GPC2: variants seen among roughly 807,000 people sequenced by gnomAD.
GPC2 encodes glypican-2.
In GPC2, 42 loss-of-function variants were observed where a neutral mutation model predicts 57.3. The observed-to-expected ratio is 0.73, with a 90% CI of 0.57 to 0.95. GPC2 has a LOEUF of 0.95. Ranked by LOEUF, GPC2 falls within the 40% of genes least tolerant of loss-of-function variation. GPC2 has a pLI of 0.00. For synonymous variants in GPC2, 364 were observed against 343.4 expected (o/e 1.06, Z -0.66); for missense variants, 745 against 793.6 (o/e 0.94, Z 0.74).
At position 100,171,871 on chromosome 7, in the gene GPC2, G is replaced by A. The variant is rs1394167525; in HGVS notation, c.1078C>T (p.Pro360Ser). The change falls in exon 7 of 10, where the codon CCG becomes TCG. Residue 360 changes from proline (P) to serine (S), a missense_variant. Around this residue, in one of 2 missense-constraint regions of GPC2, gnomAD observed 607 missense variants for 603.9 expected, o/e 1.01. Coordinates refer to ENST00000292377, the MANE Select transcript of GPC2 (RefSeq NM_152742.3). The surrounding 1 kb of genome is among the most constrained non-coding windows in gnomAD (Gnocchi z 4.8). ...CGGCCCGCCTCTTCCCGGGGCGGCGGGGCTCGACGGTTGCGGGCAGGCACC... is the reference window on the plus strand; with the variant it reads ...CGGCCCGCCTCTTCCCGGGGCGGCGAGGCTCGACGGTTGCGGGCAGGCACC... ...DPVPARNRRA[P>S]PPREEAGRLW... is the part of the protein sequence containing the mutation. 2 of 1,535,540 alleles carry A rather than the reference G, an allele frequency of 1.3e-6. No homozygotes were observed. The highest frequency in any genetic ancestry group is 2.0e-5 in the Admixed American group (1 of 49,482).
chr7:100,174,074 C>T, intron 4 of GPC2, 77 bp from the exon 5 acceptor site: 1 of 1,314,908 alleles, frequency 7.6e-7, no homozygotes, highest in Admixed American at 2.7e-5. Context: ...TGGGCACAGA[C>T]AGAAATCACA....
intron 1 of GPC2, among the ~76,000 whole-genome samples, chr7:100,176,584 G>A (rs1403351284): frequency 6.6e-6 from 1 of 152,124 alleles, no homozygotes; most frequent in African/African-American, 2.4e-5. Context: ...TTTAACAGCT[G>A]CCCTGAGGGC....
At chr7:100,176,637 T>C (rs1433226344) in intron 1 of GPC2, among the ~76,000 whole-genome samples, 1 of 152,078 alleles carries the variant, frequency 6.6e-6, no homozygotes, top group African/African-American at 2.4e-5. Context: ...CTCCCCAATG[T>C]CCACACCCCA....
chr7:100,175,720 C>G lies in GPC2; in HGVS notation c.500G>C (p.Trp167Ser). Residue 167 changes from tryptophan (W) to serine (S), a missense_variant, in exon 3 of 10, where the codon TGG becomes TCG. Physicochemically the swap from Trp to Ser is radical, Grantham distance 177. Around this residue, in one of 2 missense-constraint regions of GPC2, gnomAD observed 607 missense variants for 603.9 expected, o/e 1.01. Transcript: ENST00000292377. ...GAACACTCTCTCCAGGAGCTGTGCC[C>G]AGAAATCCGCCAGGGTGTCATCCAA... ...EGLDDTLADFWAQLLERVFPL... is the reference protein window; with the variant it reads ...EGLDDTLADFSAQLLERVFPL... 6.2e-7 allele frequency: 1 copy of G among 1,614,080 alleles called. No individual in the cohort carries two copies. Among genetic ancestry groups the G allele is most frequent in the South Asian group, 1.1e-5 (1 of 91,084 alleles).
At chr7:100,172,659 G>GTA (rs1236556611) in intron 5 of GPC2, among the ~76,000 whole-genome samples, 24 of 130,228 alleles carry the variant, frequency 1.8e-4, no homozygotes, top group East Asian at 1.5e-3. Flanking sequence ...ATGTGTGTGT[G>GTA]TATATATATA....
At chr7:100,175,424 G>A in intron 3 of GPC2, 148 bp downstream of exon 3, 2 of 655,768 alleles carry the variant, frequency 3.0e-6, no homozygotes, top group Non-Finnish European at 5.2e-6. Context: ...TCAGGATAGG[G>A]ATCACCAGGT....
At position 100,177,078 on chromosome 7, in the gene GPC2, G is replaced by A; in HGVS notation, c.122C>T (p.Ala41Val). 1.2e-6 allele frequency: 2 copies of A among 1,612,572 alleles called. No homozygotes were observed. The highest frequency in any genetic ancestry group is 1.7e-6 in the Non-Finnish European group (2 of 1,179,476). Residue 41 changes from alanine (A) to valine (V), a missense_variant, in exon 1 of 10, where the codon GCC becomes GTC. Physicochemically the swap from Ala to Val is moderately conservative, Grantham distance 64. Around this residue, in one of 2 missense-constraint regions of GPC2, gnomAD observed 138 missense variants for 189.8 expected, o/e 0.73. Transcript: ENST00000292377. ...SCAETRQVLG[A>V]RGYSLNLIPP... ...GATTAGGTTTAAGCTATATCCCCGG[G>A]CCCCCAGCACCTGCCGGGTCTCTGC...
rs762320234 is a variant in GPC2 at position 100,171,375 on chromosome 7, C to T, written c.1372G>A (p.Val458Met). ...AEQVNNPELK[V>M]DASGPDVPTR... ...GGGACATCGGGGCCCGAGGCGTCCA[C>T]CTTGAGCTCGGGGTTGTTGACCTGC... Residue 458 changes from valine (V) to methionine (M), a missense_variant, in exon 9 of 10, where the codon GTG becomes ATG. Val to Met is a conservative substitution (Grantham distance 21). Around this residue, in one of 2 missense-constraint regions of GPC2, gnomAD observed 607 missense variants for 603.9 expected, o/e 1.01. Transcript: ENST00000292377. This position sits in a 1 kb window ranked among gnomAD's most constrained non-coding sequence, Gnocchi z 4.8. 1.3e-6 allele frequency: 2 copies of T among 1,539,726 alleles called. No homozygotes were observed. The highest frequency in any genetic ancestry group is 2.4e-5 in the South Asian group (2 of 82,832).
At position 100,171,774 on chromosome 7, in the gene GPC2, C is replaced by G; in HGVS notation, c.1170+5G>C. The stretch of plus-strand genomic sequence containing the variant: ...CCGCCCCCAACTCTTGGTCATCCCA[C>G]GCACCAGCCGGTGCAGGTTGGTGCC... On this transcript the variant is annotated splice_donor_5th_base_variant and intron_variant, in intron 7 of 9. Transcript: ENST00000292377. This position sits in a 1 kb window ranked among gnomAD's most constrained non-coding sequence, Gnocchi z 4.8. 1 of 1,541,762 alleles carries G rather than the reference C, an allele frequency of 6.5e-7. No homozygotes were observed. Among genetic ancestry groups the G allele is most frequent in the Non-Finnish European group, 8.7e-7 (1 of 1,154,116 alleles).
At chr7:100,173,637 C>CTTCT in intron 5 of GPC2, 198 bp downstream of exon 5, 2 of 421,664 alleles carry the variant, frequency 4.7e-6, no homozygotes, top group Non-Finnish European at 8.4e-6. Context: ...TCCTTCTTTC[C>CTTCT]TTCTTTCTTT....
rs778136350 is a variant in GPC2, at chr7:100,171,290, A to AG, written c.1456dup (p.Leu486ProfsTer12). 2.6e-6 allele frequency: 4 copies of AG among 1,536,612 alleles called. No homozygotes were observed. The highest frequency in any genetic ancestry group is 3.5e-6 in the Non-Finnish European group (4 of 1,140,434). ...GTCCTGCCCGTCCAGGTCGTGTCCC[A>AG]GTGCGGCCGTTTTCATTCTGGCCGT... On this transcript the variant is annotated frameshift_variant, in exon 9 of 10. Transcript: ENST00000292377. LOFTEE classifies it high-confidence loss of function. This position sits in a 1 kb window ranked among gnomAD's most constrained non-coding sequence, Gnocchi z 4.8.
intron 4 of GPC2, 54 bp from the exon 5 acceptor site, chr7:100,174,051 C>T: frequency 6.9e-7 from 1 of 1,445,144 alleles, no homozygotes; most frequent in Non-Finnish European, 9.2e-7. Flanking sequence ...CTGCTCTCAG[C>T]CTGGCTTGGT....
Position 100,175,743 on chromosome 7 carries a change from C to T in GPC2, c.477G>A (p.Leu159=), listed in dbSNP as rs985632945. ...CCCAGAAATCCGCCAGGGTGTCATC[C>T]AACCCCTCACCAGATTCCCCATAGA... ...RDFYGESGEG[L]DDTLADFWAQ... is the part of the protein sequence containing the mutation. The change falls in exon 3 of 10, where the codon TTG becomes TTA. Residue 159 remains leucine (L), a synonymous_variant. Transcript: ENST00000292377. The T allele has an allele frequency of 3.1e-6, 5 of 1,613,976 alleles. No homozygotes were observed. Among genetic ancestry groups the T allele is most frequent in the Non-Finnish European group, 4.2e-6 (5 of 1,180,014 alleles).
Position 100,174,050 on chromosome 7 carries a change from G to T in GPC2, c.730-53C>A, listed in dbSNP as rs1447281032. 20 of 1,444,386 alleles carry T rather than the reference G, an allele frequency of 1.4e-5. No homozygotes were observed. In the African/African-American group the frequency reaches 2.8e-4, roughly 20 times the overall value. The allele number at this position is 1,444,386 out of a possible 1,614,324, so 89.5% of individuals were successfully genotyped here. On this transcript the variant is annotated intron_variant, in intron 4 of 9. Transcript: ENST00000292377. ...TCCACAAACGCTGTGGCTGCTCTCA[G>T]CCTGGCTTGGTGCTGGGCACAGACA... is the stretch of plus-strand genomic sequence containing the variant.
rs774549852 is a variant in GPC2, at chr7:100,173,857, C to T, written c.870G>A (p.Glu290=). The T allele has an allele frequency of 1.9e-6, 3 of 1,581,726 alleles. No individual in the cohort carries two copies. The South Asian group carries it at 3.5e-5, about 18-fold the overall frequency. ...VRGCLSSRGL[E]PDWGNYLDGL... ...CACCCAGATAGTTGCCCCAGTCAGG[C>T]TCCAGTCCCCTGCTGCTGAGACAGC... Residue 290 remains glutamate (E), a synonymous_variant, in exon 5 of 10, where the codon GAG becomes GAA. Coordinates refer to ENST00000292377, the MANE Select transcript of GPC2 (RefSeq NM_152742.3).
In GPC2 at chr7:100,171,743, G is replaced by A; in HGVS notation, c.1170+36C>T. Reference sequence around the variant, plus strand: ...CCCCCACAACCATCCCCGGCCCCGGGCCCCCCCGCCCCCAACTCTTGGTCA... The same window carrying A: ...CCCCCACAACCATCCCCGGCCCCGGACCCCCCCGCCCCCAACTCTTGGTCA... On this transcript the variant is annotated intron_variant, in intron 7 of 9. Coordinates refer to ENST00000292377, the MANE Select transcript of GPC2 (RefSeq NM_152742.3). This position sits in a 1 kb window ranked among gnomAD's most constrained non-coding sequence, Gnocchi z 4.8. 2 of 1,465,874 alleles carry A rather than the reference G, an allele frequency of 1.4e-6. No individual in the cohort carries two copies. Among genetic ancestry groups the A allele is most frequent in the South Asian group, 2.6e-5 (2 of 77,950 alleles). 90.8% of individuals were successfully genotyped at this position (1,465,874 alleles called of 1,614,324 possible). A position where few individuals can be genotyped will look rare whatever the true frequency, so the allele number is the denominator to read the frequency against.
chr7:100,174,581 C>T, intron 4 of GPC2, 104 bp downstream of exon 4: 1 of 842,184 alleles, frequency 1.2e-6, no homozygotes, highest in South Asian at 1.4e-5. Context: ...CAGACAGAGC[C>T]CAAGGCCTGT....
Position 100,171,243 on chromosome 7 carries a change from G to A in GPC2, c.1486+18C>T. 1.3e-6 allele frequency: 2 copies of A among 1,520,892 alleles called. No individual in the cohort carries two copies. The highest frequency in any genetic ancestry group is 1.8e-6 in the Non-Finnish European group (2 of 1,133,242). The allele number at this position is 1,520,892 out of a possible 1,614,324, so 94.2% of individuals were successfully genotyped here. A position where few individuals can be genotyped will look rare whatever the true frequency, so the allele number is the denominator to read the frequency against. On this transcript the variant is annotated intron_variant, in intron 9 of 9. Transcript: ENST00000292377. This position sits in a 1 kb window ranked among gnomAD's most constrained non-coding sequence, Gnocchi z 4.8. The stretch of plus-strand genomic sequence containing the variant: ...GGGCAGTGGGCGGGGCTCAGGCTCA[G>A]GGATGCAGGGGTCTCACCCGCGTCC...
intron 5 of GPC2, 62 bp from the exon 6 acceptor site, chr7:100,172,279 C>A: frequency 6.4e-7 from 1 of 1,553,196 alleles, no homozygotes; most frequent in South Asian, 1.1e-5. Context: ...TAGGATGTTC[C>A]TGAAAATCCT....
Sources: gnomAD v4.1 joint callset for allele counts (sites outside exome capture counted in the v4.1 genomes callset) on GRCh38, gnomAD v4.1.1 for gene constraint, gnomAD v4.1.1 regional missense constraint, Gnocchi (gnomAD v3.1) non-coding constraint, MANE v1.5 for transcripts, NCBI Gene and HGNC (gene_info 2026-07-23, HGNC 2026-07-21) for gene names.